The following LRRC37A variants were observed in gnomAD, a reference collection of about 807,000 sequenced individuals.
LRRC37A encodes the protein leucine-rich repeat-containing protein 37A.
LRRC37A carries 3 observed loss-of-function variants against 35.4 expected under a neutral mutation model. The observed-to-expected ratio is 0.08, with a 90% CI of 0.04 to 0.22. The LOEUF (loss-of-function observed/expected upper bound fraction) is 0.22, where lower values mean the gene tolerates loss of function less well. Among genes scored for constraint, LRRC37A ranks in the 10% least tolerant of loss-of-function variants. LRRC37A has a pLI of 1.00. For missense variants in LRRC37A, 67 were observed against 565.3 expected (o/e 0.12, Z 8.94); for synonymous variants, 23 against 215.0 (o/e 0.11, Z 7.81).
the LRRC37A span, chr17:46,267,263 A>C: frequency 1.5e-5 from 16 of 1,032,564 alleles, no homozygotes; most frequent in Non-Finnish European, 1.9e-5. Flanking sequence ...CTGTTGCTAA[A>C]AACCAACGCC....
chr17:46,264,628 A>G, the LRRC37A span, among the ~76,000 whole-genome samples: 1 of 152,246 alleles, frequency 6.6e-6, no homozygotes, highest in Non-Finnish European at 1.5e-5. Flanking sequence ...TTCTGGCTAC[A>G]TAGATCAGTC....
In LRRC37A at chr17:46,314,761, AT is replaced by A. The variant is rs2050979154; in HGVS notation, c.2907-7556del. Among the ~76,000 whole-genome samples the A allele has an allele frequency of 3.7e-5, 3 of 80,974 alleles. 1 individual carries two copies. The highest frequency in any genetic ancestry group is 1.3e-4 in the Admixed American group (1 of 7,908). The allele number at this position is 80,974 out of a possible 152,430, so 53.1% of individuals were successfully genotyped here. The stretch of plus-strand genomic sequence containing the variant: ...TTTGGTTTGCCAGATTTTGTCAAGC[AT>A]TTTTCCATCTACATTCGTAAGAAAT... On this transcript the variant is annotated intron_variant, in intron 5 of 13. Transcript: ENST00000320254.
the LRRC37A span, among the ~76,000 whole-genome samples, chr17:46,260,987 C>T: frequency 1.3e-5 from 2 of 152,214 alleles, no homozygotes; most frequent in South Asian, 4.1e-4. Context: ...TACGTTCTCA[C>T]TCATAAATGG....
At chr17:46,332,632 G>A in exon 10 of LRRC37A, 1 of 1,197,160 alleles carries the variant, frequency 8.4e-7, no homozygotes, top group Non-Finnish European at 1.2e-6. Context: ...TAACGATTTT[G>A]ATTATACTTT....
the LRRC37A span, among the ~76,000 whole-genome samples, chr17:46,275,893 A>AG: frequency 3.4e-5 from 5 of 145,724 alleles, no homozygotes; most frequent in Admixed American, 1.4e-4. Context: ...TTTTATTCAC[A>AG]ATTTTTTTTT....
the LRRC37A span, among the ~76,000 whole-genome samples, chr17:46,269,024 C>CCA: frequency 6.6e-6 from 1 of 152,172 alleles, no homozygotes; most frequent in Non-Finnish European, 1.5e-5. Flanking sequence ...TAGAAATAGT[C>CCA]CACAAAACAT....
chr17:46,255,186 C>G, the LRRC37A span, among the ~76,000 whole-genome samples: 1 of 152,038 alleles, frequency 6.6e-6, no homozygotes, highest in African/African-American at 2.4e-5. Context: ...CAAGAGTGCT[C>G]TGGAACTCCT....
the LRRC37A span, among the ~76,000 whole-genome samples, chr17:46,285,518 G>A: frequency 1.3e-5 from 2 of 152,174 alleles, no homozygotes; most frequent in Non-Finnish European, 2.9e-5. Flanking sequence ...TGGGATTACA[G>A]GTGTGAGCCC....
chr17:46,273,263 A>T, the LRRC37A span, among the ~76,000 whole-genome samples: 8 of 152,384 alleles, frequency 5.2e-5, no homozygotes, highest in East Asian at 1.5e-3. Context: ...AACTTTTTTT[A>T]AAAAGTAAAA....
the LRRC37A span, chr17:46,260,076 G>C: frequency 1.6e-5 from 26 of 1,599,250 alleles, no homozygotes; most frequent in East Asian, 3.9e-4. Flanking sequence ...CGATCTGCCC[G>C]GGCGCAGGTC....
the LRRC37A span, among the ~76,000 whole-genome samples, chr17:46,270,007 G>A: frequency 3.3e-5 from 5 of 152,192 alleles, no homozygotes; most frequent in Admixed American, 6.5e-5. Context: ...ATTAAATATT[G>A]ATTTTATACC....
the LRRC37A span, among the ~76,000 whole-genome samples, chr17:46,252,538 G>A: frequency 6.7e-6 from 1 of 149,044 alleles, no homozygotes; most frequent in African/African-American, 2.4e-5. Flanking sequence ...CAGTCTTTGT[G>A]TCCCTGGGTA....
At chr17:46,286,600 C>T in the LRRC37A span, among the ~76,000 whole-genome samples, 1 of 151,914 alleles carries the variant, frequency 6.6e-6, no homozygotes, top group Non-Finnish European at 1.5e-5. Context: ...GTGTCTCAAA[C>T]ATTCACTATG....
chr17:46,271,801 G>A, the LRRC37A span, among the ~76,000 whole-genome samples: 18,482 of 152,070 alleles, frequency 0.12, 1 homozygote, highest in Non-Finnish European at 0.18. Flanking sequence ...TTGCTGTGTC[G>A]CTCAGGCTGG....
the LRRC37A span, among the ~76,000 whole-genome samples, chr17:46,265,233 C>A: frequency 6.6e-6 from 1 of 151,932 alleles, no homozygotes; most frequent in African/African-American, 2.4e-5. Flanking sequence ...TAATGCTCAA[C>A]GGACAAATTT....
chr17:46,300,011 C>T (rs879031358), intron 2 of LRRC37A, 146 bp downstream of exon 2: 407 of 29,218 alleles, frequency 0.014, 1 homozygote, highest in South Asian at 0.12. Flanking sequence ...ATTGTATGGT[C>T]ATTTTAAAAT....
At chr17:46,269,260 G>A in the LRRC37A span, among the ~76,000 whole-genome samples, 13 of 152,344 alleles carry the variant, frequency 8.5e-5, no homozygotes, top group South Asian at 8.3e-4. Context: ...CAAGCCGGGC[G>A]CGGTGGCTCA....
chr17:46,327,162 A>C lies in LRRC37A; in HGVS notation c.3054-1230A>C, dbSNP rs530979789. Among the ~76,000 whole-genome samples the C allele has an allele frequency of 7.5e-4, 64 of 85,266 alleles. 2 individuals carry two copies. Among genetic ancestry groups the C allele is most frequent in the African/African-American group, 1.9e-3 (61 of 31,872 alleles). 55.9% of individuals were successfully genotyped at this position (85,266 alleles called of 152,430 possible). ...TGTCTGTTTCCTCATGATGAAATTC[A>C]AGTTAAGCATTTTTGGGAAAAATAC... On this transcript the variant is annotated intron_variant, in intron 7 of 13. Coordinates refer to ENST00000320254, the Ensembl canonical transcript of LRRC37A.
chr17:46,268,722 CAA>C, the LRRC37A span: 2 of 1,401,410 alleles, frequency 1.4e-6, no homozygotes, highest in Non-Finnish European at 1.9e-6. Flanking sequence ...TTCTGGATCA[CAA>C]GAGACATCGG....
Sources: allele counts gnomAD v4.1 joint callset (sites outside exome capture counted in the v4.1 genomes callset), GRCh38; gene constraint gnomAD v4.1.1; transcripts MANE v1.5; gene names NCBI Gene and HGNC (gene_info 2026-07-23, HGNC 2026-07-21).